Variants in REL observed in about 807,000 individuals in gnomAD.
REL encodes proto-oncogene c-Rel.
In REL, 15 loss-of-function variants were observed where a neutral mutation model predicts 45.9. That is an observed-to-expected ratio of 0.33 (90% CI 0.22 to 0.50). The LOEUF (loss-of-function observed/expected upper bound fraction) is 0.50, where lower values mean the gene tolerates loss of function less well. REL is among the 20% of genes least tolerant of loss of function. The pLI is 0.98. For synonymous variants in REL, 239 were observed against 242.1 expected (o/e 0.99, Z 0.12); for missense variants, 601 against 715.2 (o/e 0.84, Z 1.82).
At position 60,928,413 on chromosome 2, in the gene REL, A is replaced by C. The variant is rs1324043529; in HGVS notation, c.*5878A>C. 1 of 151,662 alleles carries C rather than the reference A, an allele frequency of 6.6e-6. No homozygotes were observed. Among genetic ancestry groups the C allele is most frequent in the African/African-American group, 2.4e-5 (1 of 41,294 alleles). The allele number at this position is 151,662 out of a possible 1,614,324, so 9.4% of individuals were successfully genotyped here. On this transcript the variant is annotated 3_prime_UTR_variant, in exon 10 of 10. Transcript: ENST00000394479. ...AAAGCTGGAGGCATCACACTACCTG[A>C]CTTCAAACTATACTACAAGGCTACA...
At chr2:60,900,087 A>G (rs1029710739) in intron 3 of REL, 2 of 152,208 alleles carry the variant, frequency 1.3e-5, no homozygotes, top group Non-Finnish European at 2.9e-5. Context: ...GTAGCAAACT[A>G]AAGAGCCCTG....
At chr2:60,891,604 A>T (rs10185028) in intron 1 of REL, 79 bp from the exon 2 acceptor site, 2 of 1,230,638 alleles carry the variant, frequency 1.6e-6, no homozygotes, top group African/African-American at 1.6e-5. Context: ...CTGCTGTTAT[A>T]AAAAAAACAG....
intron 4 of REL, among the ~76,000 whole-genome samples, chr2:60,905,753 A>G (rs1385793867): frequency 6.6e-6 from 1 of 152,256 alleles, no homozygotes; most frequent in East Asian, 1.9e-4. Flanking sequence ...TACACTTGGA[A>G]GAGGGCCAAG....
chr2:60,908,905 A>G (rs553460811), intron 4 of REL, among the ~76,000 whole-genome samples: 12 of 152,336 alleles, frequency 7.9e-5, no homozygotes, highest in African/African-American at 2.4e-4. Context: ...GTAGTCTAAC[A>G]TAGATTCTTA....
intron 3 of REL, among the ~76,000 whole-genome samples, chr2:60,897,716 C>T (rs1358626752): frequency 1.3e-5 from 2 of 151,988 alleles, no homozygotes; most frequent in Admixed American, 1.3e-4. Context: ...TCAACATATT[C>T]CCTTAAATGT....
intron 1 of REL, among the ~76,000 whole-genome samples, chr2:60,889,387 C>G (rs1673149683): frequency 6.6e-6 from 1 of 152,138 alleles, no homozygotes; most frequent in Non-Finnish European, 1.5e-5. Context: ...TTTAGAGTGA[C>G]AGTTGGGATA....
chr2:60,921,209 T>A (rs1674132264), intron 9 of REL, among the ~76,000 whole-genome samples: 1 of 152,204 alleles, frequency 6.6e-6, no homozygotes, highest in African/African-American at 2.4e-5. Flanking sequence ...TGGTTTAGTT[T>A]GTAAAGCATT....
At chr2:60,900,874 T>C in intron 3 of REL, 118 bp from the exon 4 acceptor site, 2 of 842,556 alleles carry the variant, frequency 2.4e-6, no homozygotes, top group East Asian at 3.0e-5. Context: ...TGGAAGCACG[T>C]TCATGCTTTG....
intron 3 of REL, 172 bp from the exon 4 acceptor site, chr2:60,900,820 C>A: frequency 1.7e-6 from 1 of 583,258 alleles, no homozygotes; most frequent in Non-Finnish European, 2.9e-6. Context: ...ACGCGCCCAG[C>A]CATATAATCC....
Position 60,921,894 on chromosome 2 carries a change from C to G in REL, c.1123C>G (p.Leu375Val), listed in dbSNP as rs1383124463. ...GTCACATCATGCCTCAATGGCACCT[C>G]TGCCTTCTTCAAGCTGGTCATCAGT... ...GLSHHASMAPLPSSSWSSVAH... is the reference protein window; with the variant it reads ...GLSHHASMAPVPSSSWSSVAH... Residue 375 changes from leucine (L) to valine (V), a missense_variant, in exon 10 of 10, where the codon CTG becomes GTG. Leu to Val is a conservative substitution (Grantham distance 32). Coordinates refer to ENST00000394479, the MANE Select transcript of REL (RefSeq NM_001291746.2). The G allele has an allele frequency of 2.5e-6, 4 of 1,614,036 alleles. No homozygotes were observed. The African/African-American group carries it at 4.0e-5, about 16-fold the overall frequency.
Position 60,916,953 on chromosome 2 carries a change from T to A in REL, c.471T>A (p.Pro157=). Residue 157 remains proline, a synonymous_variant, in exon 5 of 10, where the codon CCT becomes CCA. Coordinates refer to ENST00000394479, the MANE Select transcript of REL (RefSeq NM_001291746.2). ...VVRLCFQVFL[P]DEHGNLTTAL... is the part of the protein sequence containing the mutation. ...GACTGTGTTTTCAAGTTTTTCTCCCTGATGAACATGGTAATTTGACGACTG... is the reference window on the plus strand; with the variant it reads ...GACTGTGTTTTCAAGTTTTTCTCCCAGATGAACATGGTAATTTGACGACTG... 1 of 1,613,492 alleles carries A rather than the reference T, an allele frequency of 6.2e-7. No individual in the cohort carries two copies. The highest frequency in any genetic ancestry group is 8.5e-7 in the Non-Finnish European group (1 of 1,179,508).
chr2:60,919,325 C>T (rs377069959), intron 7 of REL, among the ~76,000 whole-genome samples: 1 of 152,122 alleles, frequency 6.6e-6, no homozygotes, highest in South Asian at 2.1e-4. Context: ...GCCTCAGCCT[C>T]CTGGGCTCAG....
Position 60,910,004 on chromosome 2 carries a change from C to T in REL, c.395-6873C>T, listed in dbSNP as rs566702737. 5.9e-5 allele frequency among the ~76,000 whole-genome samples: 9 copies of T among 152,270 alleles called. No homozygotes were observed. In the East Asian group the frequency reaches 1.7e-3, roughly 29 times the overall value. ...GTATTAGAATTTTAGAAATGTTACA[C>T]TTCTAGAGCTAGTAGACATAATTGA... On this transcript the variant is annotated intron_variant, in intron 4 of 9. Transcript: ENST00000394479.
Position 60,881,693 on chromosome 2 carries a change from G to A in REL, c.-148G>A. 1 of 601,000 alleles carries A rather than the reference G, an allele frequency of 1.7e-6. No individual in the cohort carries two copies. The highest frequency in any genetic ancestry group is 2.9e-6 in the Non-Finnish European group (1 of 348,424). The allele number at this position is 601,000 out of a possible 1,614,324, so 37.2% of individuals were successfully genotyped here. On this transcript the variant is annotated 5_prime_UTR_variant, in exon 1 of 10. Coordinates refer to ENST00000394479, the MANE Select transcript of REL (RefSeq NM_001291746.2). ...AGGTGTGAGCCGCAAACCCAGCGGA[G>A]GGCGGGAAGAAGGAGGAGGCCTCTA...
In REL at chr2:60,928,154, CAAAA is replaced by C. The variant is rs549824510; in HGVS notation, c.*5633_*5636del. The C allele has an allele frequency of 5.8e-4, 48 of 83,142 alleles. No individual in the cohort carries two copies. The highest frequency in any genetic ancestry group is 2.5e-3 in the East Asian group (12 of 4,832). The allele number at this position is 83,142 out of a possible 1,614,324, so 5.2% of individuals were successfully genotyped here. ...GTAATATAAGGAAAACCTGTCTCTG[CAAAA>C]AAAAAAAAAAAAAGAGGATACAACC... On this transcript the variant is annotated 3_prime_UTR_variant, in exon 10 of 10. Transcript: ENST00000394479.
intron 3 of REL, among the ~76,000 whole-genome samples, chr2:60,896,680 C>G (rs1053456213): frequency 1.3e-5 from 2 of 152,096 alleles, no homozygotes; most frequent in African/African-American, 4.8e-5. Context: ...CTTGACCTCC[C>G]AACAACATTT....
rs1034826887 is a variant in REL at position 60,926,516 on chromosome 2, G to C, written c.*3981G>C. On this transcript the variant is annotated 3_prime_UTR_variant, in exon 10 of 10. Coordinates refer to ENST00000394479, the MANE Select transcript of REL (RefSeq NM_001291746.2). Reference sequence around the variant, plus strand: ...ATACTCCTCTGGGTTTTCTGTGGTAGTCAAGATTCCTCCCTGAGATTTATT... The same window carrying C: ...ATACTCCTCTGGGTTTTCTGTGGTACTCAAGATTCCTCCCTGAGATTTATT... 2 of 231,706 alleles carry C rather than the reference G, an allele frequency of 8.6e-6. No individual in the cohort carries two copies. The highest frequency in any genetic ancestry group is 1.7e-5 in the Non-Finnish European group (2 of 117,174). The allele number at this position is 231,706 out of a possible 1,614,324, so 14.4% of individuals were successfully genotyped here.
At position 60,929,766 on chromosome 2, in the gene REL, A is replaced by G. The variant is rs945819681; in HGVS notation, c.*7231A>G. 4.6e-5 allele frequency: 7 copies of G among 151,906 alleles called. No individual in the cohort carries two copies. Among genetic ancestry groups the G allele is most frequent in the Non-Finnish European group, 7.4e-5 (5 of 67,968 alleles). The allele number at this position is 151,906 out of a possible 1,614,324, so 9.4% of individuals were successfully genotyped here. On this transcript the variant is annotated 3_prime_UTR_variant, in exon 10 of 10. Coordinates refer to ENST00000394479, the MANE Select transcript of REL (RefSeq NM_001291746.2). Reference sequence around the variant, plus strand: ...GTGCACCAGCATGGCACATGTATACATATGTAAGTAACCTGCACAATGTGC... The same window carrying G: ...GTGCACCAGCATGGCACATGTATACGTATGTAAGTAACCTGCACAATGTGC...
In REL at chr2:60,930,921, GCTT is replaced by G. The variant is rs751602342; in HGVS notation, c.*8391_*8393del. ...TACACAGTAATTAGTACAGCATGTT[GCTT>G]CTTCAACAAATTGAGTTTTCAGGGA... is the stretch of plus-strand genomic sequence containing the variant. On this transcript the variant is annotated 3_prime_UTR_variant, in exon 10 of 10. Transcript: ENST00000394479. 84 of 152,430 alleles carry G rather than the reference GCTT, an allele frequency of 5.5e-4. No individual in the cohort carries two copies. Among genetic ancestry groups the G allele is most frequent in the Non-Finnish European group, 9.6e-4 (65 of 68,016 alleles). 9.4% of individuals were successfully genotyped at this position (152,430 alleles called of 1,614,324 possible).
Sources: allele counts gnomAD v4.1 joint callset (sites outside exome capture counted in the v4.1 genomes callset), GRCh38; gene constraint gnomAD v4.1.1; transcripts MANE v1.5; gene names NCBI Gene and HGNC (gene_info 2026-07-23, HGNC 2026-07-21).